Variants in ITGA6 observed in about 807,000 individuals in gnomAD.
The protein encoded by ITGA6 is integrin subunit alpha 6.
A neutral mutation model predicts 133.6 loss-of-function variants in ITGA6; 63 were observed. The ratio of observed to expected loss-of-function variants is 0.47; its 90% CI spans 0.38 to 0.58. The LOEUF is 0.58. ITGA6 is among the 20% of genes least tolerant of loss of function. The pLI is 0.00. For missense variants in ITGA6, 1,068 were observed against 1,309.4 expected, an observed-to-expected ratio of 0.82 and a Z score of 2.85; for synonymous variants, 434 against 482.0, an observed-to-expected ratio of 0.90 and a Z score of 1.30.
intron 23 of ITGA6, among the ~76,000 whole-genome samples, chr2:172,496,706 T>C (rs1687141284): frequency 6.6e-6 from 1 of 152,194 alleles, no homozygotes. Flanking sequence ...AACCAGTGGA[T>C]CTCTAATCAG....
intron 1 of ITGA6, among the ~76,000 whole-genome samples, chr2:172,447,502 G>T (rs573734880): frequency 1.3e-5 from 2 of 152,284 alleles, no homozygotes; most frequent in South Asian, 4.1e-4. Context: ...ACCACACCCA[G>T]CCCCAATTTT....
intron 11 of ITGA6, among the ~76,000 whole-genome samples, chr2:172,483,559 G>A (rs1420832078): frequency 2.0e-5 from 3 of 152,072 alleles, no homozygotes; most frequent in South Asian, 4.2e-4. Context: ...TTAAGTATTG[G>A]CCCATGAAAA....
At chr2:172,484,033 A>G (rs1211333408) in intron 11 of ITGA6, among the ~76,000 whole-genome samples, 1 of 152,102 alleles carries the variant, frequency 6.6e-6, no homozygotes, top group Non-Finnish European at 1.5e-5. Context: ...CTGGTCTCAA[A>G]CTCCTGATTT....
chr2:172,448,474 T>C (rs1684857621), intron 1 of ITGA6, among the ~76,000 whole-genome samples: 1 of 150,744 alleles, frequency 6.6e-6, no homozygotes, highest in Admixed American at 6.6e-5. Flanking sequence ...GTAATGGCAA[T>C]AGTGTCTCTT....
At chr2:172,497,011 G>A (rs996535697) in intron 23 of ITGA6, among the ~76,000 whole-genome samples, 1 of 152,172 alleles carries the variant, frequency 6.6e-6, no homozygotes, top group Non-Finnish European at 1.5e-5. Flanking sequence ...TGTAGAAGAT[G>A]GCACCAAGCC....
At chr2:172,428,941 G>C (rs78794133) in intron 1 of ITGA6, among the ~76,000 whole-genome samples, 10,223 of 152,260 alleles carry the variant, frequency 0.067, 410 homozygotes, top group South Asian at 0.17. Context: ...TTCTTCATCT[G>C]TGCTACTGAA....
At chr2:172,497,634 G>A (rs1031976429) in intron 23 of ITGA6, among the ~76,000 whole-genome samples, 2 of 152,160 alleles carry the variant, frequency 1.3e-5, no homozygotes, top group African/African-American at 4.8e-5. Flanking sequence ...CAGACTGGCT[G>A]TATATTGATA....
intron 1 of ITGA6, among the ~76,000 whole-genome samples, chr2:172,430,608 A>T (rs1684067050): frequency 6.6e-6 from 1 of 152,248 alleles, no homozygotes; most frequent in African/African-American, 2.4e-5. Context: ...TTAACTATTC[A>T]GTCACATTTT....
chr2:172,432,220 A>G (rs554754758), intron 1 of ITGA6, among the ~76,000 whole-genome samples: 1 of 152,318 alleles, frequency 6.6e-6, no homozygotes, highest in East Asian at 1.9e-4. Context: ...GAATATAATC[A>G]TAGCTTAAGA....
intron 1 of ITGA6, among the ~76,000 whole-genome samples, chr2:172,450,043 G>A (rs528654221): frequency 6.6e-6 from 1 of 152,204 alleles, no homozygotes; most frequent in Non-Finnish European, 1.5e-5. Flanking sequence ...AAGCGACTGC[G>A]GTTACTCTGA....
At chr2:172,428,771 A>AC (rs1683986697) in intron 1 of ITGA6, among the ~76,000 whole-genome samples, 2 of 151,944 alleles carry the variant, frequency 1.3e-5, no homozygotes, top group African/African-American at 4.8e-5. Flanking sequence ...GTAAGGGACA[A>AC]CCCCCCACCG....
Position 172,503,093 on chromosome 2 carries a change from TATAAC to T in ITGA6, c.*23-990_*23-986del, listed in dbSNP as rs551061553. Among the ~76,000 whole-genome samples, 317 of 152,316 alleles carry T rather than the reference TATAAC, an allele frequency of 2.1e-3. 1 individual carries two copies. Among genetic ancestry groups the T allele is most frequent in the Non-Finnish European group, 3.8e-3 (261 of 68,022 alleles). ...ATTTTATCTTGCTCCATGGCATTTTTATAACATAACATCATTCAACATAAATGTCC... is the reference window on the plus strand; with the variant it reads ...ATTTTATCTTGCTCCATGGCATTTTTATAACATCATTCAACATAAATGTCC... On this transcript the variant is annotated intron_variant, in intron 25 of 25. Coordinates refer to ENST00000684293, the MANE Select transcript of ITGA6 (RefSeq NM_000210.4).
chr2:172,489,559 C>T lies in ITGA6; in HGVS notation c.2580C>T (p.Ser860=), dbSNP rs769075928. 4.3e-5 allele frequency: 70 copies of T among 1,613,758 alleles called. No individual in the cohort carries two copies. Among genetic ancestry groups the T allele is most frequent in the Non-Finnish European group, 5.7e-5 (67 of 1,179,832 alleles). ...TLNIQWPKEI[S]NGKWLLYLVK... is the part of the protein sequence containing the mutation. ...ACATTCAGTGGCCAAAAGAAATTAG[C>T]AATGGGAAATGGTTGCTTTATTTGG... The change falls in exon 20 of 26, where the codon AGC becomes AGT. Residue 860 remains serine, a synonymous_variant. Coordinates refer to ENST00000684293, the MANE Select transcript of ITGA6 (RefSeq NM_000210.4).
intron 1 of ITGA6, among the ~76,000 whole-genome samples, chr2:172,438,570 T>G (rs1335383705): frequency 6.6e-6 from 1 of 151,920 alleles, no homozygotes; most frequent in Non-Finnish European, 1.5e-5. Context: ...GACAAATTAC[T>G]TATCTTCATT....
intron 1 of ITGA6, among the ~76,000 whole-genome samples, chr2:172,462,837 C>G (rs550581195): frequency 6.6e-6 from 1 of 152,210 alleles, no homozygotes; most frequent in Non-Finnish European, 1.5e-5. Context: ...ACCCTTCGTC[C>G]TTTAGCGCTG....
rs1399214002 is a variant in ITGA6, at chr2:172,491,438, T to C, written c.2903T>C (p.Leu968Pro). The C allele has an allele frequency of 1.9e-6, 3 of 1,613,334 alleles. No individual in the cohort carries two copies. Among genetic ancestry groups the C allele is most frequent in the Non-Finnish European group, 2.5e-6 (3 of 1,179,326 alleles). ...GTCTCCAAACAGGAATATTCCAAAC[T>C]GAACTACTTGGACATTCTCATGCGA... ...NSTFLEEYSKLNYLDILMRAF... is the reference protein window; with the variant it reads ...NSTFLEEYSKPNYLDILMRAF... Residue 968 changes from leucine (L) to proline (P), a missense_variant, in exon 23 of 26, where the codon CTG (leucine) becomes CCG (proline). By Grantham distance (98) the Leu-to-Pro change is moderately conservative. This residue lies in a region of ITGA6 where 609 missense variants were observed against 707.2 expected (regional missense o/e 0.86). Coordinates refer to ENST00000684293, the MANE Select transcript of ITGA6 (RefSeq NM_000210.4). The surrounding 1 kb of genome is among the most constrained non-coding windows in gnomAD (Gnocchi z 4.4).
intron 1 of ITGA6, among the ~76,000 whole-genome samples, chr2:172,451,573 A>G (rs895908395): frequency 2.6e-5 from 4 of 152,094 alleles, no homozygotes; most frequent in African/African-American, 7.2e-5. Flanking sequence ...TTACTAGGCA[A>G]TTGAATATCT....
At chr2:172,485,408 G>A in intron 13 of ITGA6, 144 bp downstream of exon 13, 1 of 775,284 alleles carries the variant, frequency 1.3e-6, no homozygotes, top group Admixed American at 2.0e-5. Context: ...CGCAAAGTTA[G>A]AGAAGACTTG....
At chr2:172,436,603 G>T (rs548979279) in intron 1 of ITGA6, among the ~76,000 whole-genome samples, 1 of 152,288 alleles carries the variant, frequency 6.6e-6, no homozygotes, top group South Asian at 2.1e-4. Context: ...TTCTCTCTGT[G>T]TGTGTACATG....
Sources: allele counts gnomAD v4.1 joint callset (sites outside exome capture counted in the v4.1 genomes callset), GRCh38; gene constraint gnomAD v4.1.1; regional missense constraint gnomAD v4.1.1; non-coding constraint Gnocchi (gnomAD v3.1); transcripts MANE v1.5; gene names NCBI Gene and HGNC (gene_info 2026-07-23, HGNC 2026-07-21).